SGSM2: variants seen among roughly 807,000 people sequenced by gnomAD.
SGSM2 encodes RUN and TBC1 domain containing 1.
In SGSM2, 89 loss-of-function variants were observed where a neutral mutation model predicts 126.6. The ratio of observed to expected loss-of-function variants is 0.70; its 90% CI spans 0.59 to 0.84. The LOEUF (loss-of-function observed/expected upper bound fraction) is 0.84, where lower values mean the gene tolerates loss of function less well. Ranked by LOEUF, SGSM2 falls within the 40% of genes least tolerant of loss-of-function variation. The probability of loss-of-function intolerance (pLI) is 0.00; values close to 1 mark genes in which losing one functional copy is unlikely to be tolerated. For synonymous variants in SGSM2, 614 were observed against 574.3 expected (o/e 1.07, Z -0.99); for missense variants, 1,404 against 1,416.6 (o/e 0.99, Z 0.14).
At chr17:2,347,572 C>T in intron 2 of SGSM2, among the ~76,000 whole-genome samples, 1 of 151,430 alleles carries the variant, frequency 6.6e-6, no homozygotes, top group Middle Eastern at 3.4e-3. Flanking sequence ...TAAAGACTTA[C>T]TGTTGAATTA....
At chr17:2,376,681 G>A (rs377754404) in intron 19 of SGSM2, 52 bp from the exon 20 acceptor site, 34 of 1,589,100 alleles carry the variant, frequency 2.1e-5, no homozygotes, top group Non-Finnish European at 2.8e-5. Context: ...CAGGGATCCC[G>A]AGGGAGGGAA....
intron 1 of SGSM2, among the ~76,000 whole-genome samples, chr17:2,338,855 T>C (rs1287513553): frequency 6.7e-6 from 1 of 148,436 alleles, no homozygotes; most frequent in African/African-American, 2.5e-5. Flanking sequence ...GCTCAGGAGT[T>C]CGAGATCAGC....
chr17:2,363,983 G>A lies in SGSM2; in HGVS notation c.808-76G>A. 1 of 1,590,374 alleles carries A rather than the reference G, an allele frequency of 6.3e-7. No homozygotes were observed. The highest frequency in any genetic ancestry group is 8.6e-7 in the Non-Finnish European group (1 of 1,160,466). On this transcript the variant is annotated intron_variant, in intron 7 of 23. Transcript: ENST00000268989. This position sits in a 1 kb window ranked among gnomAD's most constrained non-coding sequence, Gnocchi z 4.2. ...GCTTGGCCTCCCCTCCTCCCAGCGG[G>A]AGCTCATTTCTCATAGGCCATCCCT...
At chr17:2,373,267 C>T (rs910602565) in intron 16 of SGSM2, 64 bp from the exon 17 acceptor site, 5 of 1,573,498 alleles carry the variant, frequency 3.2e-6, no homozygotes, top group Admixed American at 3.4e-5. Flanking sequence ...AGTGCAGGCC[C>T]AGCTCCTGAA....
In SGSM2 at chr17:2,375,873, A is replaced by T. The variant is rs773774299; in HGVS notation, c.2482A>T (p.Thr828Ser). ...TGCGGCTGTGTGTGCGGCTGCCTACACTGTGCGTACATGCTCCCCAGGCTG... is the reference window on the plus strand; with the variant it reads ...TGCGGCTGTGTGTGCGGCTGCCTACTCTGTGCGTACATGCTCCCCAGGCTG... ...ELAAVCAAAYTIELLDTVALN... is the reference protein window; with the variant it reads ...ELAAVCAAAYSIELLDTVALN... The change falls in exon 18 of 24, where the codon ACT becomes TCT. Residue 828 changes from threonine (T) to serine (S), a missense_variant and splice_region_variant. By Grantham distance (58) the Thr-to-Ser change is moderately conservative. Transcript: ENST00000268989. 1.3e-6 allele frequency: 2 copies of T among 1,518,792 alleles called. No individual in the cohort carries two copies. Among genetic ancestry groups the T allele is most frequent in the African/African-American group, 2.8e-5 (2 of 72,184 alleles). The allele number at this position is 1,518,792 out of a possible 1,614,324, so 94.1% of individuals were successfully genotyped here. A position where few individuals can be genotyped will look rare whatever the true frequency, so the allele number is the denominator to read the frequency against.
In SGSM2 at chr17:2,377,076, C is replaced by T. The variant is rs1439292599; in HGVS notation, c.2802+8C>T. The T allele has an allele frequency of 1.0e-5, 16 of 1,589,872 alleles. No individual in the cohort carries two copies. The highest frequency in any genetic ancestry group is 1.7e-4 in the Middle Eastern group (1 of 5,976). Reference sequence around the variant, plus strand: ...ATGCGCTCCCTCATCCAGGTGAGGCCGGTTGCCACCCATGGGCATGGGAGC... The same window carrying T: ...ATGCGCTCCCTCATCCAGGTGAGGCTGGTTGCCACCCATGGGCATGGGAGC... On this transcript the variant is annotated splice_region_variant and intron_variant, in intron 21 of 23. Coordinates refer to ENST00000268989, the MANE Select transcript of SGSM2 (RefSeq NM_014853.3).
rs770978081 is a variant in SGSM2 at position 2,362,859 on chromosome 17, A to G, written c.480A>G (p.Ala160=). 1 of 1,614,126 alleles carries G rather than the reference A, an allele frequency of 6.2e-7. No individual in the cohort carries two copies. Among genetic ancestry groups the G allele is most frequent in the East Asian group, 2.2e-5 (1 of 44,882 alleles). Residue 160 remains alanine (A), a synonymous_variant, in exon 5 of 24, where the codon GCA becomes GCG. Transcript: ENST00000268989. This position sits in a 1 kb window ranked among gnomAD's most constrained non-coding sequence, Gnocchi z 4.9. ...ENCSKYYEKE[A]LLADPVFGPI... ...GCAGCAAGTACTACGAGAAGGAGGC[A>G]CTGCTGGCAGACCCTGTGTTCGGCC...
At chr17:2,355,433 A>G (rs77174561) in intron 2 of SGSM2, among the ~76,000 whole-genome samples, 332 of 5,684 alleles carry the variant, frequency 0.058, no homozygotes, top group Non-Finnish European at 0.076. Flanking sequence ...GGGGTGTAAG[A>G]GTTGGGGGAA....
chr17:2,338,561 C>A (rs571169330), intron 1 of SGSM2, among the ~76,000 whole-genome samples: 1 of 152,056 alleles, frequency 6.6e-6, no homozygotes, highest in South Asian at 2.1e-4. Context: ...TGGCTGTTGT[C>A]TGCCTGGTAA....
Position 2,375,653 on chromosome 17 carries a change from C to T in SGSM2, c.2262C>T (p.Ser754=). 1 of 1,614,048 alleles carries T rather than the reference C, an allele frequency of 6.2e-7. No homozygotes were observed. The highest frequency in any genetic ancestry group is 8.5e-7 in the Non-Finnish European group (1 of 1,180,020). Residue 754 remains serine, a synonymous_variant, in exon 18 of 24, where the codon TCC becomes TCT. Transcript: ENST00000268989. ...EFDSPDSGLP[S]SRNYSVASGI... The stretch of plus-strand genomic sequence containing the variant: ...ACTCTCCAGACTCAGGACTGCCCTC[C>T]TCTCGCAATTACTCCGTGGCCTCGG...
In SGSM2 at chr17:2,377,920, T is replaced by C. The variant is rs1418831604; in HGVS notation, c.2866T>C (p.Cys956Arg). Residue 956 changes from cysteine (C) to arginine (R), a missense_variant, in exon 22 of 24, where the codon TGT (cysteine) becomes CGT (arginine). By Grantham distance (180) the Cys-to-Arg change is radical. Transcript: ENST00000268989. The stretch of plus-strand genomic sequence containing the variant: ...TGGAGACTACACCCACTTCTACTTC[T>C]GTTATCGCTGGTTCCTGCTGGATTT... ...QNGDYTHFYF[C>R]YRWFLLDFKR... The C allele has an allele frequency of 6.2e-7, 1 of 1,612,936 alleles. No individual in the cohort carries two copies. Among genetic ancestry groups the C allele is most frequent in the South Asian group, 1.1e-5 (1 of 91,068 alleles).
chr17:2,361,656 C>G lies in SGSM2; in HGVS notation c.153C>G (p.Leu51=), dbSNP rs750669995. 6.2e-7 allele frequency: 1 copy of G among 1,613,908 alleles called. No individual in the cohort carries two copies. Among genetic ancestry groups the G allele is most frequent in the East Asian group, 2.2e-5 (1 of 44,880 alleles). The change falls in exon 3 of 24, where the codon CTC becomes CTG. Residue 51 remains leucine, a synonymous_variant. Coordinates refer to ENST00000268989, the MANE Select transcript of SGSM2 (RefSeq NM_014853.3). ...GCCTAGGTGCAGTGGAGGCTTGCCT[C>G]TTGCATCAGCTGAGACGCCGTGCCG... The part of the protein sequence containing the change: ...IALCGAVEAC[L]LHQLRRRAAG...
At chr17:2,361,512 A>C in intron 2 of SGSM2, 125 bp from the exon 3 acceptor site, 6 of 1,162,872 alleles carry the variant, frequency 5.2e-6, no homozygotes, top group Non-Finnish European at 7.3e-6. Context: ...AAGCCAGGGT[A>C]TCTCCCTGGC....
chr17:2,343,241 A>T (rs140898281), intron 1 of SGSM2, among the ~76,000 whole-genome samples: 2 of 152,258 alleles, frequency 1.3e-5, no homozygotes, highest in African/African-American at 4.8e-5. Context: ...TCGTGAGCTG[A>T]GAACAGATGA....
chr17:2,362,364 C>T lies in SGSM2; in HGVS notation c.458+94C>T, dbSNP rs1338154685. The T allele has an allele frequency of 1.3e-5, 17 of 1,327,958 alleles. No individual in the cohort carries two copies. The highest frequency in any genetic ancestry group is 2.9e-5 in the South Asian group (2 of 70,088). The allele number at this position is 1,327,958 out of a possible 1,614,324, so 82.3% of individuals were successfully genotyped here. On this transcript the variant is annotated intron_variant, in intron 4 of 23. Coordinates refer to ENST00000268989, the MANE Select transcript of SGSM2 (RefSeq NM_014853.3). This position sits in a 1 kb window ranked among gnomAD's most constrained non-coding sequence, Gnocchi z 4.9. ...CCGTTCCCCAAAAACTGCAGGTGAC[C>T]GCCCCGTTCCCCAAAAACTGCAGGT...
At chr17:2,351,184 C>A (rs887247445) in intron 2 of SGSM2, among the ~76,000 whole-genome samples, 1 of 150,902 alleles carries the variant, frequency 6.6e-6, no homozygotes, top group Non-Finnish European at 1.5e-5. Context: ...ACCTGGCAGG[C>A]GGAGATTGCA....
chr17:2,342,470 G>A (rs986305128), intron 1 of SGSM2, among the ~76,000 whole-genome samples: 1 of 152,030 alleles, frequency 6.6e-6, no homozygotes, highest in South Asian at 2.1e-4. Context: ...AAACTGTCGT[G>A]TTGGAATCAG....
At chr17:2,364,463 G>A in intron 8 of SGSM2, 133 bp from the exon 9 acceptor site, 2 of 982,314 alleles carry the variant, frequency 2.0e-6, no homozygotes, top group Non-Finnish European at 3.1e-6. Context: ...GTCATGGCTG[G>A]CTGTGTGCAC....
At chr17:2,343,451 C>A in intron 1 of SGSM2, 94 bp from the exon 2 acceptor site, 2 of 1,281,378 alleles carry the variant, frequency 1.6e-6, no homozygotes, top group Non-Finnish European at 2.3e-6. Flanking sequence ...AAGTGCCCTT[C>A]AGACCAGAAG....
Sources: gnomAD v4.1 joint callset for allele counts (sites outside exome capture counted in the v4.1 genomes callset) on GRCh38, gnomAD v4.1.1 for gene constraint, Gnocchi (gnomAD v3.1) non-coding constraint, MANE v1.5 for transcripts, NCBI Gene and HGNC (gene_info 2026-07-23, HGNC 2026-07-21) for gene names.